The following MAZ variants were observed in gnomAD, a reference collection of about 807,000 sequenced individuals.
MAZ encodes the protein myc-associated zinc finger protein.
A neutral mutation model predicts 32.7 loss-of-function variants in MAZ; 4 were observed. The observed-to-expected ratio is 0.12, with a 90% confidence interval of 0.06 to 0.28. MAZ has a LOEUF of 0.28. Among genes scored for constraint, MAZ ranks in the 10% least tolerant of loss-of-function variants. MAZ has a pLI of 1.00. For missense variants in MAZ, 763 were observed against 667.2 expected (o/e 1.14, Z -1.58); for synonymous variants, 510 against 297.6 (o/e 1.71, Z -7.35).
Position 29,810,647 on chromosome 16 carries a change from T to A in MAZ, c.*416T>A. 1.7e-6 allele frequency: 1 copy of A among 580,344 alleles called. No individual in the cohort carries two copies. Among genetic ancestry groups the A allele is most frequent in the Non-Finnish European group, 3.1e-6 (1 of 324,454 alleles). The allele number at this position is 580,344 out of a possible 1,614,324, so 35.9% of individuals were successfully genotyped here. A position where few individuals can be genotyped will look rare whatever the true frequency, so the allele number is the denominator to read the frequency against. On this transcript the variant is annotated 3_prime_UTR_variant, in exon 5 of 5. Transcript: ENST00000322945. ...TGTCTGCAGCCCCTCCCCGGGGAGT[T>A]GGTGCTTTCTTTTCCTTTTTTTTTT...
At chr16:29,809,805 TG>T in intron 4 of MAZ, 1 of 1,127,372 alleles carries the variant, frequency 8.9e-7, no homozygotes, top group Non-Finnish European at 1.2e-6. Flanking sequence ...ATGGGGGGTG[TG>T]GGGGACAACG....
Position 29,810,238 on chromosome 16 carries a change from A to G in MAZ, c.*7A>G. 6.3e-7 allele frequency: 1 copy of G among 1,581,674 alleles called. No homozygotes were observed. Among genetic ancestry groups the G allele is most frequent in the African/African-American group, 1.3e-5 (1 of 74,260 alleles). On this transcript the variant is annotated 3_prime_UTR_variant, in exon 5 of 5. Coordinates refer to ENST00000322945, the MANE Select transcript of MAZ (RefSeq NM_002383.4). Reference sequence around the variant, plus strand: ...TCCCTCCCAACCCTGGTGAGCTCCAAGTTGGTTGCGGGGGAGAGGGGAGAA... The same window carrying G: ...TCCCTCCCAACCCTGGTGAGCTCCAGGTTGGTTGCGGGGGAGAGGGGAGAA...
Position 29,808,638 on chromosome 16 carries a change from G to A in MAZ, c.1176G>A (p.Val392=). The A allele has an allele frequency of 1.2e-6, 2 of 1,613,816 alleles. No individual in the cohort carries two copies. Among genetic ancestry groups the A allele is most frequent in the East Asian group, 2.2e-5 (1 of 44,866 alleles). ...RAHTVRHEEK[V]PCHVCGKMLS... ...ACACAGTACGACACGAGGAGAAAGT[G>A]CCATGTCACGTGTGTGGCAAGATGC... is the stretch of plus-strand genomic sequence containing the variant. Residue 392 remains valine (V), a synonymous_variant, in exon 4 of 5, where the codon GTG becomes GTA. Transcript: ENST00000322945.
Position 29,810,446 on chromosome 16 carries a change from C to A in MAZ, c.*215C>A. 1.4e-6 allele frequency: 1 copy of A among 718,594 alleles called. No homozygotes were observed. The allele number at this position is 718,594 out of a possible 1,614,324, so 44.5% of individuals were successfully genotyped here. A position where few individuals can be genotyped will look rare whatever the true frequency, so the allele number is the denominator to read the frequency against. On this transcript the variant is annotated 3_prime_UTR_variant, in exon 5 of 5. Transcript: ENST00000322945. ...CTGTCAGACCTGACCCCACACAAAC[C>A]TGTCCCCTCGGTTGTGTTGAAGTCC...
In MAZ at chr16:29,808,302, C is replaced by T. The variant is rs375476663; in HGVS notation, c.1107+9C>T. Reference sequence around the variant, plus strand: ...GGCCCTTCAAATGTGAGGTAGGAAGCCCGCCTCCTCCTGTCTTGGTTTTCA... The same window carrying T: ...GGCCCTTCAAATGTGAGGTAGGAAGTCCGCCTCCTCCTGTCTTGGTTTTCA... On this transcript the variant is annotated intron_variant, in intron 3 of 4. Transcript: ENST00000322945. 3.7e-5 allele frequency: 60 copies of T among 1,612,312 alleles called. No individual in the cohort carries two copies. The highest frequency in any genetic ancestry group is 9.4e-5 in the African/African-American group (7 of 74,858).
chr16:29,806,206 A>AC (rs1434105215), upstream of MAZ: 59 of 108,298 alleles, frequency 5.4e-4, no homozygotes, highest in Non-Finnish European at 8.8e-4. Context: ...CCCCGCCCCC[A>AC]CCCCCCTGCC....
At position 29,807,363 on chromosome 16, in the gene MAZ, C is replaced by G. The variant is rs747037907; in HGVS notation, c.578C>G (p.Ala193Gly). ...AAGAGCAAGGGGCCCTACATCTGCGCTCTGTGCGCCAAGGAGTTCAAGAAC... is the reference window on the plus strand; with the variant it reads ...AAGAGCAAGGGGCCCTACATCTGCGGTCTGTGCGCCAAGGAGTTCAAGAAC... ...KTKSKGPYICALCAKEFKNGY... is the reference protein window; with the variant it reads ...KTKSKGPYICGLCAKEFKNGY... The change falls in exon 2 of 5, where the codon GCT becomes GGT. Residue 193 changes from alanine to glycine, a missense_variant. Transcript: ENST00000322945. The G allele has an allele frequency of 1.2e-6, 2 of 1,612,304 alleles. No homozygotes were observed. The highest frequency in any genetic ancestry group is 1.7e-6 in the Non-Finnish European group (2 of 1,179,674).
Position 29,807,538 on chromosome 16 carries a change from G to GGGTGCCGGCGGCGGC in MAZ, c.755_769dup (p.Gly252_Gly256dup). Reference sequence around the variant, plus strand: ...GAGCCGGCGGGGGAGGGGGAGAGGCGGGTGCCGGCGGCGGCGCTGCCGCAG... The same window carrying GGGTGCCGGCGGCGGC: ...GAGCCGGCGGGGGAGGGGGAGAGGCGGGTGCCGGCGGCGGCGGTGCCGGCGGCGGCGCTGCCGCAG... On this transcript the variant is annotated inframe_insertion, in exon 2 of 5. Transcript: ENST00000322945. 6.2e-7 allele frequency: 1 copy of GGGTGCCGGCGGCGGC among 1,601,534 alleles called. No individual in the cohort carries two copies.
Position 29,808,661 on chromosome 16 carries a change from T to C in MAZ, c.1199T>C (p.Met400Thr). Reference protein sequence around the residue: ...EKVPCHVCGKMLSSAYISDHM... With the variant: ...EKVPCHVCGKTLSSAYISDHM... ...GTGCCATGTCACGTGTGTGGCAAGA[T>C]GCTGAGCTCGGCTTATATTTCGGAC... The change falls in exon 4 of 5, where the codon ATG becomes ACG. Residue 400 changes from methionine (M) to threonine (T), a missense_variant. Met to Thr is a moderately conservative substitution (Grantham distance 81). Coordinates refer to ENST00000322945, the MANE Select transcript of MAZ (RefSeq NM_002383.4). 6.2e-7 allele frequency: 1 copy of C among 1,613,980 alleles called. No homozygotes were observed. Among genetic ancestry groups the C allele is most frequent in the Non-Finnish European group, 8.5e-7 (1 of 1,180,000 alleles).
rs753188781 is a variant in MAZ at position 29,810,126 on chromosome 16, GGCAGCA to G, written c.1332_1337del (p.Ala447_Ala448del). On this transcript the variant is annotated inframe_deletion, in exon 5 of 5. Coordinates refer to ENST00000322945, the MANE Select transcript of MAZ (RefSeq NM_002383.4). ...CGGCGGCAGCGGCAGCGGCGGCAGC[GGCAGCA>G]GCGGCAGCAGTAGCAGCCCCTCCCA... 2 of 1,591,478 alleles carry G rather than the reference GGCAGCA, an allele frequency of 1.3e-6. No homozygotes were observed. The highest frequency in any genetic ancestry group is 4.5e-5 in the East Asian group (2 of 44,214).
chr16:29,810,051 TGATCC>T, intron 4 of MAZ, 21 bp from the exon 5 acceptor site: 1 of 1,591,452 alleles, frequency 6.3e-7, no homozygotes, highest in Admixed American at 1.8e-5. Context: ...GATCGCGCTG[TGATCC>T]GTGGTGTTTC....
chr16:29,809,948 C>CCT (rs974679396), intron 4 of MAZ, 129 bp from the exon 5 acceptor site: 2 of 1,435,706 alleles, frequency 1.4e-6, no homozygotes, highest in Admixed American at 4.4e-5. Context: ...CAGGCTGAGG[C>CCT]CTCTGGGGTC....
At position 29,808,245 on chromosome 16, in the gene MAZ, C is replaced by G; in HGVS notation, c.1059C>G (p.Asn353Lys). Residue 353 changes from asparagine (N) to lysine (K), a missense_variant, in exon 3 of 5, where the codon AAC (asparagine) becomes AAG (lysine). By Grantham distance (94) the Asn-to-Lys change is moderately conservative. Transcript: ENST00000322945. ...GKSFSRPDHL[N>K]SHVRQVHSTE... ...GTGTCCCCAGGCCGGATCACCTCAA[C>G]AGTCACGTCAGACAAGTGCACTCAA... The G allele has an allele frequency of 6.2e-7, 1 of 1,614,126 alleles. No homozygotes were observed. The highest frequency in any genetic ancestry group is 8.5e-7 in the Non-Finnish European group (1 of 1,179,996).
Position 29,810,309 on chromosome 16 carries a change from C to T in MAZ, c.*78C>T, listed in dbSNP as rs1334394720. The T allele has an allele frequency of 3.6e-6, 5 of 1,388,974 alleles. No homozygotes were observed. Among genetic ancestry groups the T allele is most frequent in the African/African-American group, 2.9e-5 (2 of 69,952 alleles). The allele number at this position is 1,388,974 out of a possible 1,614,324, so 86.0% of individuals were successfully genotyped here. The stretch of plus-strand genomic sequence containing the variant: ...CAAGCTCCTCTCCCCCCTCTTTTCC[C>T]ACCAACTCCTATTTCCCTACCAACC... On this transcript the variant is annotated 3_prime_UTR_variant, in exon 5 of 5. Transcript: ENST00000322945.
intron 3 of MAZ, 38 bp from the exon 4 acceptor site, chr16:29,808,532 C>T: frequency 7.1e-7 from 1 of 1,415,850 alleles, no homozygotes; most frequent in Non-Finnish European, 9.7e-7. Flanking sequence ...AGCTTTAACT[C>T]TCCTGTGACA....
Position 29,810,551 on chromosome 16 carries a change from T to G in MAZ, c.*320T>G. 1.4e-6 allele frequency: 1 copy of G among 699,506 alleles called. No homozygotes were observed. Among genetic ancestry groups the G allele is most frequent in the Middle Eastern group, 2.3e-4 (1 of 4,356 alleles). The allele number at this position is 699,506 out of a possible 1,614,324, so 43.3% of individuals were successfully genotyped here. A position where few individuals can be genotyped will look rare whatever the true frequency, so the allele number is the denominator to read the frequency against. On this transcript the variant is annotated 3_prime_UTR_variant, in exon 5 of 5. Coordinates refer to ENST00000322945, the MANE Select transcript of MAZ (RefSeq NM_002383.4). ...CTCTCCTCTCTGTAAGCCCATGCCCTGTCTTCCCAGGGACTTGTGAGCCTC... is the reference window on the plus strand; with the variant it reads ...CTCTCCTCTCTGTAAGCCCATGCCCGGTCTTCCCAGGGACTTGTGAGCCTC...
Position 29,806,759 on chromosome 16 carries a change from G to T in MAZ, c.58G>T (p.Asp20Tyr), listed in dbSNP as rs373977511. 1.4e-6 allele frequency: 2 copies of T among 1,431,014 alleles called. No homozygotes were observed. Among genetic ancestry groups the T allele is most frequent in the Non-Finnish European group, 1.8e-6 (2 of 1,082,994 alleles). 88.6% of individuals were successfully genotyped at this position (1,431,014 alleles called of 1,614,324 possible). A position where few individuals can be genotyped will look rare whatever the true frequency, so the allele number is the denominator to read the frequency against. ...CCCCCCCTTCCCCGTGCTGGGCCTG[G>T]ACTCCCGGGGGGTGGGCGGCCTCAT... ...LAPPFPVLGL[D>Y]SRGVGGLMNS... The change falls in exon 1 of 5, where the codon GAC becomes TAC. Residue 20 changes from aspartate (D) to tyrosine (Y), a missense_variant. By Grantham distance (160) the Asp-to-Tyr change is radical. Coordinates refer to ENST00000322945, the MANE Select transcript of MAZ (RefSeq NM_002383.4).
In MAZ at chr16:29,807,712, C is replaced by T. The variant is rs374653470; in HGVS notation, c.927C>T (p.Cys309=). 5.0e-6 allele frequency: 8 copies of T among 1,612,826 alleles called. No individual in the cohort carries two copies. Among genetic ancestry groups the T allele is most frequent in the African/African-American group, 1.3e-5 (1 of 74,948 alleles). ...LSHSDEKPYQ[C]PVCQQRFKRK... ...ACTCGGACGAGAAGCCCTACCAGTG[C>T]CCGGTGTGCCAGCAGCGCTTCAAGC... is the stretch of plus-strand genomic sequence containing the variant. Residue 309 remains cysteine, a synonymous_variant, in exon 2 of 5, where the codon TGC becomes TGT. Coordinates refer to ENST00000322945, the MANE Select transcript of MAZ (RefSeq NM_002383.4).
Position 29,807,827 on chromosome 16 carries a change from C to A in MAZ, c.1042C>A (p.Arg348=). The A allele has an allele frequency of 6.2e-7, 1 of 1,604,074 alleles. No homozygotes were observed. Among genetic ancestry groups the A allele is most frequent in the Non-Finnish European group, 8.5e-7 (1 of 1,178,554 alleles). ...NCSHCGKSFS[R]PDHLNSHVRQ... ...CTCCCACTGTGGCAAGAGCTTCTCC[C>A]GGTGTGCACGGGGCCTCGGCCGCCC... is the stretch of plus-strand genomic sequence containing the variant. The change falls in exon 2 of 5, where the codon CGG becomes AGG. Residue 348 remains arginine, a splice_region_variant and synonymous_variant. Transcript: ENST00000322945.
Sources: allele counts gnomAD v4.1 joint callset, GRCh38; gene constraint gnomAD v4.1.1; transcripts MANE v1.5; gene names NCBI Gene and HGNC (gene_info 2026-07-23, HGNC 2026-07-21).